Variants in PDE3B observed in about 807,000 individuals in gnomAD.
PDE3B encodes cGMP-inhibited 3',5'-cyclic phosphodiesterase 3B.
Under a neutral mutation model 116.8 loss-of-function variants are expected in PDE3B, and 66 were observed. That is an observed-to-expected ratio of 0.56 (90% CI 0.46 to 0.69). The LOEUF (loss-of-function observed/expected upper bound fraction) is 0.69, where lower values mean the gene tolerates loss of function less well. Ranked by LOEUF, PDE3B falls within the 30% of genes least tolerant of loss-of-function variation. PDE3B has a pLI of 0.00. For synonymous variants in PDE3B, 595 were observed against 533.6 expected (o/e 1.12, Z -1.59); for missense variants, 1,384 against 1,368.1 (o/e 1.01, Z -0.18).
rs1222813137 is a variant in PDE3B, at chr11:14,644,125, C to G, written c.50C>G (p.Pro17Arg). The change falls in exon 1 of 16, where the codon CCG (proline) becomes CGG (arginine). Residue 17 changes from proline to arginine, a missense_variant. Transcript: ENST00000282096. ...AAAGCCATGCGGTCCCTGCAGCCGCCGGATGGGGCCGGCTCGCCCCCCGAG... is the reference window on the plus strand; with the variant it reads ...AAAGCCATGCGGTCCCTGCAGCCGCGGGATGGGGCCGGCTCGCCCCCCGAG... ...DAKAMRSLQP[P>R]DGAGSPPESL... 1 of 1,581,686 alleles carries G rather than the reference C, an allele frequency of 6.3e-7. No homozygotes were observed. Among genetic ancestry groups the G allele is most frequent in the South Asian group, 1.1e-5 (1 of 88,694 alleles).
At chr11:14,658,808 A>G (rs1853797252) in intron 1 of PDE3B, among the ~76,000 whole-genome samples, 1 of 152,150 alleles carries the variant, frequency 6.6e-6, no homozygotes, top group East Asian at 1.9e-4. Context: ...AATATTCTCT[A>G]TCATATTTGG....
At chr11:14,672,563 T>C (rs1854403391) in intron 1 of PDE3B, among the ~76,000 whole-genome samples, 1 of 152,174 alleles carries the variant, frequency 6.6e-6, no homozygotes. Context: ...GAGACAAATA[T>C]AGTGGCTCAA....
chr11:14,755,341 G>A (rs555649778), intron 1 of PDE3B, among the ~76,000 whole-genome samples: 1 of 152,258 alleles, frequency 6.6e-6, no homozygotes, highest in Admixed American at 6.5e-5. Context: ...TTCAAAATCT[G>A]TTTAACTGTG....
At chr11:14,848,858 G>A (rs1237253350) in intron 12 of PDE3B, among the ~76,000 whole-genome samples, 2 of 152,170 alleles carry the variant, frequency 1.3e-5, no homozygotes, top group Non-Finnish European at 2.9e-5. Context: ...ACAAATGGAA[G>A]AACATTCCAT....
intron 1 of PDE3B, among the ~76,000 whole-genome samples, chr11:14,735,957 G>GT (rs1406683864): frequency 9.6e-6 from 1 of 104,002 alleles, no homozygotes; most frequent in South Asian, 3.3e-4. Context: ...GGAATAATAG[G>GT]TTGTGTGTGT....
intron 5 of PDE3B, among the ~76,000 whole-genome samples, chr11:14,807,926 G>T (rs1363683714): frequency 6.6e-6 from 1 of 152,056 alleles, no homozygotes; most frequent in Non-Finnish European, 1.5e-5. Context: ...CAGACGTGGT[G>T]GTGGGCGCCT....
At chr11:14,822,911 G>A (rs1355341744) in intron 7 of PDE3B, among the ~76,000 whole-genome samples, 1 of 152,198 alleles carries the variant, frequency 6.6e-6, no homozygotes, top group African/African-American at 2.4e-5. Flanking sequence ...AGAGGGAGGG[G>A]TAGGCTACCA....
intron 1 of PDE3B, among the ~76,000 whole-genome samples, chr11:14,756,722 A>T (rs2133881836): frequency 6.6e-6 from 1 of 152,294 alleles, no homozygotes; most frequent in East Asian, 1.9e-4. Context: ...GCACATGGTA[A>T]CATATTCTAA....
chr11:14,860,892 AT>A (rs1260452852), intron 13 of PDE3B, among the ~76,000 whole-genome samples: 1 of 145,220 alleles, frequency 6.9e-6, no homozygotes, highest in African/African-American at 2.5e-5. Context: ...TGTATGTACT[AT>A]ACTTAATAAA....
At chr11:14,805,566 A>G (rs1858893673) in intron 5 of PDE3B, among the ~76,000 whole-genome samples, 1 of 152,232 alleles carries the variant, frequency 6.6e-6, no homozygotes, top group African/African-American at 2.4e-5. Flanking sequence ...GTTTTTGTCA[A>G]TTGTACCTCA....
At chr11:14,789,307 T>C in intron 4 of PDE3B, 65 bp downstream of exon 4, 1 of 1,263,298 alleles carries the variant, frequency 7.9e-7, no homozygotes, top group Non-Finnish European at 1.1e-6. Flanking sequence ...CTGTCAATAA[T>C]GTTTCAAATA....
the PDE3B span, among the ~76,000 whole-genome samples, chr11:14,878,724 T>C: frequency 7.0e-3 from 1,059 of 152,196 alleles, 13 homozygotes; most frequent in African/African-American, 0.024. Flanking sequence ...GAAGCAATAT[T>C]TTCCTAATTG....
intron 12 of PDE3B, among the ~76,000 whole-genome samples, chr11:14,844,330 T>C (rs1192844588): frequency 5.1e-4 from 78 of 152,206 alleles, no homozygotes; most frequent in Non-Finnish European, 4.4e-5. Flanking sequence ...ACTCTGACTG[T>C]ATTTAAGATT....
chr11:14,779,429 T>A (rs979928107), intron 2 of PDE3B, among the ~76,000 whole-genome samples: 4 of 152,178 alleles, frequency 2.6e-5, no homozygotes, highest in African/African-American at 9.7e-5. Flanking sequence ...AAAGGTCGGG[T>A]TACCCACAAA....
chr11:14,799,075 A>G (rs1858658765), intron 4 of PDE3B, among the ~76,000 whole-genome samples: 1 of 152,218 alleles, frequency 6.6e-6, no homozygotes, highest in Non-Finnish European at 1.5e-5. Flanking sequence ...ATTTAGTCCT[A>G]TAAATTTCCT....
In PDE3B at chr11:14,735,165, G is replaced by T. The variant is rs142527076; in HGVS notation, c.979-36772G>T. 4.1e-3 allele frequency among the ~76,000 whole-genome samples: 623 copies of T among 152,220 alleles called. 5 individuals are homozygous for T. The highest frequency in any genetic ancestry group is 6.5e-3 in the Non-Finnish European group (445 of 68,006). On this transcript the variant is annotated intron_variant, in intron 1 of 15. Transcript: ENST00000282096. ...GATCATAATGCTTGAGAAGGAATGG[G>T]CATTGGACCCATACCTCTGCACTCT...
At position 14,755,833 on chromosome 11, in the gene PDE3B, A is replaced by G. The variant is rs559375472; in HGVS notation, c.979-16104A>G. 2.6e-5 allele frequency among the ~76,000 whole-genome samples: 4 copies of G among 152,318 alleles called. No homozygotes were observed. The South Asian group carries it at 8.3e-4, about 32-fold the overall frequency. Reference sequence around the variant, plus strand: ...GGCATTAAAGTCTAAAATATTTACTATCTGACCCTTATATACAAAGTTTGC... The same window carrying G: ...GGCATTAAAGTCTAAAATATTTACTGTCTGACCCTTATATACAAAGTTTGC... On this transcript the variant is annotated intron_variant, in intron 1 of 15. Coordinates refer to ENST00000282096, the MANE Select transcript of PDE3B (RefSeq NM_000922.4).
At chr11:14,686,734 G>T (rs1854885372) in intron 1 of PDE3B, among the ~76,000 whole-genome samples, 1 of 151,786 alleles carries the variant, frequency 6.6e-6, no homozygotes, top group South Asian at 2.1e-4. Flanking sequence ...TTTTTTTAAA[G>T]ACAGAGTCTC....
intron 1 of PDE3B, 63 bp downstream of exon 1, chr11:14,645,116 C>A: frequency 7.8e-7 from 1 of 1,278,038 alleles, no homozygotes; most frequent in South Asian, 1.7e-5. Flanking sequence ...CTGCAGTTTC[C>A]GAGTTGAATT....
Sources: gnomAD v4.1 joint callset for allele counts (sites outside exome capture counted in the v4.1 genomes callset) on GRCh38, gnomAD v4.1.1 for gene constraint, MANE v1.5 for transcripts, NCBI Gene and HGNC (gene_info 2026-07-23, HGNC 2026-07-21) for gene names.